The following TIMM23 variants were observed in gnomAD, a reference collection of about 807,000 sequenced individuals.
TIMM23 encodes translocase of inner mitochondrial membrane 23.
A neutral mutation model predicts 30.7 loss-of-function variants in TIMM23; 19 were observed. The ratio of observed to expected loss-of-function variants is 0.62; its 90% CI spans 0.43 to 0.91. The LOEUF (loss-of-function observed/expected upper bound fraction) is 0.91. TIMM23 is among the 40% of genes least tolerant of loss of function. TIMM23 has a pLI of 0.00. For synonymous variants in TIMM23, 78 were observed against 98.5 expected, an observed-to-expected ratio of 0.79 and a Z score of 1.23; for missense variants, 202 against 269.2, an observed-to-expected ratio of 0.75 and a Z score of 1.75.
intron 6 of TIMM23, chr10:45,990,751 T>A (rs1838142776): frequency 2.5e-6 from 1 of 406,060 alleles, no homozygotes; most frequent in Admixed American, 3.3e-5. Flanking sequence ...TTTATTTTCA[T>A]GTTTTTAAAT....
At chr10:45,973,278 A>G (rs1401899716) in intron 1 of TIMM23, among the ~76,000 whole-genome samples, 22 of 152,250 alleles carry the variant, frequency 1.4e-4, no homozygotes, top group Non-Finnish European at 2.9e-4. Context: ...GAAGCCAGGT[A>G]AGAATTATAG....
intron 1 of TIMM23, among the ~76,000 whole-genome samples, chr10:45,975,216 A>G (rs587621748): frequency 1.3e-4 from 20 of 152,340 alleles, no homozygotes; most frequent in East Asian, 3.9e-4. Context: ...TGACACTGCA[A>G]TTATCTTATT....
intron 6 of TIMM23, among the ~76,000 whole-genome samples, chr10:45,991,469 C>G (rs1223651917): frequency 1.3e-5 from 2 of 151,912 alleles, no homozygotes; most frequent in African/African-American, 2.4e-5. Flanking sequence ...ATGATTGGGT[C>G]AGCTGGGCAC....
chr10:45,999,932 C>T (rs1451965011), intron 6 of TIMM23, among the ~76,000 whole-genome samples: 2 of 152,140 alleles, frequency 1.3e-5, no homozygotes, highest in South Asian at 2.1e-4. Context: ...AAGAATTCAG[C>T]GATATTTCTC....
intron 6 of TIMM23, among the ~76,000 whole-genome samples, chr10:45,998,729 G>A (rs1590131799): frequency 6.6e-6 from 1 of 151,672 alleles, no homozygotes; most frequent in Non-Finnish European, 1.5e-5. Flanking sequence ...CTTTTAAGAA[G>A]TAACTTCATC....
chr10:45,986,223 T>C (rs61849534), intron 5 of TIMM23, among the ~76,000 whole-genome samples: 5 of 152,158 alleles, frequency 3.3e-5, no homozygotes, highest in Non-Finnish European at 2.9e-5. Flanking sequence ...ACTGTAAAGC[T>C]AGTTTTCACA....
chr10:45,979,874 A>G (rs1590113556), intron 2 of TIMM23, among the ~76,000 whole-genome samples: 2 of 152,112 alleles, frequency 1.3e-5, no homozygotes, highest in Non-Finnish European at 2.9e-5. Flanking sequence ...TTTCAAAACT[A>G]GCTGCATGTA....
chr10:45,982,984 G>T lies in TIMM23; in HGVS notation c.344+54G>T, dbSNP rs1229204813. ...TGATACTTGAATATTAAGCTCTGTT[G>T]TATTGGTTTGATGAGTACAACCTTG... is the stretch of plus-strand genomic sequence containing the variant. On this transcript the variant is annotated intron_variant, in intron 4 of 6. Transcript: ENST00000580018. 4.0e-5 allele frequency: 65 copies of T among 1,611,536 alleles called. No homozygotes were observed. The Middle Eastern group carries it at 4.9e-4, about 12-fold the overall frequency.
intron 6 of TIMM23, among the ~76,000 whole-genome samples, chr10:45,997,255 C>G (rs1554916893): frequency 1.3e-5 from 2 of 152,056 alleles, no homozygotes; most frequent in African/African-American, 4.8e-5. Context: ...GAATATTATT[C>G]TGCCTTTAAA....
intron 2 of TIMM23, among the ~76,000 whole-genome samples, chr10:45,976,651 C>T (rs1837681189): frequency 6.6e-6 from 1 of 152,038 alleles, no homozygotes; most frequent in Non-Finnish European, 1.5e-5. Context: ...GGACTTCAGC[C>T]TGTTAAATGC....
At chr10:45,985,219 G>C (rs1281339302) in intron 4 of TIMM23, among the ~76,000 whole-genome samples, 164 bp from the exon 5 acceptor site, 1 of 152,002 alleles carries the variant, frequency 6.6e-6, no homozygotes, top group East Asian at 1.9e-4. Flanking sequence ...CTTATGTAGA[G>C]TAAAAACCAT....
chr10:45,998,334 G>A, intron 6 of TIMM23: 2 of 981,254 alleles, frequency 2.0e-6, no homozygotes, highest in Non-Finnish European at 2.4e-6. Flanking sequence ...CTCATGTATA[G>A]AAGAGGTGGT....
intron 2 of TIMM23, among the ~76,000 whole-genome samples, chr10:45,980,757 A>G (rs1326444667): frequency 3.3e-5 from 5 of 152,106 alleles, no homozygotes; most frequent in Non-Finnish European, 4.4e-5. Flanking sequence ...TAAATCTTCT[A>G]TACATTCAAT....
At chr10:45,980,618 T>TC (rs1837813133) in intron 2 of TIMM23, among the ~76,000 whole-genome samples, 1 of 152,122 alleles carries the variant, frequency 6.6e-6, no homozygotes, top group Non-Finnish European at 1.5e-5. Flanking sequence ...TTTTTTCTTT[T>TC]CCCCCAGCAA....
chr10:45,974,644 G>A (rs1361286738), intron 1 of TIMM23, among the ~76,000 whole-genome samples: 1 of 152,108 alleles, frequency 6.6e-6, no homozygotes, highest in Non-Finnish European at 1.5e-5. Context: ...GAATTGAAGG[G>A]GTAAGAGAAA....
intron 6 of TIMM23, among the ~76,000 whole-genome samples, chr10:45,989,428 C>G (rs1198993259): frequency 3.9e-5 from 6 of 152,178 alleles, no homozygotes; most frequent in Non-Finnish European, 7.3e-5. Flanking sequence ...GTGAATAATG[C>G]TGCTACGAAT....
chr10:45,993,146 C>T (rs2573396), intron 6 of TIMM23, among the ~76,000 whole-genome samples: 14 of 151,432 alleles, frequency 9.2e-5, no homozygotes, highest in African/African-American at 3.2e-4. Context: ...AATTAAGTTA[C>T]TTGAGCAAAT....
chr10:45,990,757 T>A (rs1207980089), intron 6 of TIMM23: 1 of 403,030 alleles, frequency 2.5e-6, no homozygotes, highest in Non-Finnish European at 4.7e-6. Context: ...TTCATGTTTT[T>A]AAATAATATT....
chr10:45,975,409 A>G (rs782368439), intron 1 of TIMM23, 45 bp from the exon 2 acceptor site: 8 of 1,609,830 alleles, frequency 5.0e-6, no homozygotes, highest in African/African-American at 4.0e-5. Context: ...AACTGGATTA[A>G]CTTAAAGAAT....
Sources: allele counts gnomAD v4.1 joint callset (sites outside exome capture counted in the v4.1 genomes callset), GRCh38; gene constraint gnomAD v4.1.1; transcripts MANE v1.5; gene names NCBI Gene and HGNC (gene_info 2026-07-23, HGNC 2026-07-21).